The following MACROD2 variants were observed in gnomAD, a reference collection of about 807,000 sequenced individuals.
MACROD2 encodes the protein ADP-ribose glycohydrolase MACROD2.
Under a neutral mutation model 70.4 loss-of-function variants are expected in MACROD2, and 36 were observed. The ratio of observed to expected loss-of-function variants is 0.51; its 90% CI spans 0.39 to 0.68. MACROD2 has a LOEUF of 0.68. MACROD2 is among the 30% of genes least tolerant of loss of function. MACROD2 has a pLI of 0.00. For synonymous variants in MACROD2, 172 were observed against 178.8 expected (o/e 0.96, Z 0.30); for missense variants, 496 against 538.4 (o/e 0.92, Z 0.78).
intron 5 of MACROD2, among the ~76,000 whole-genome samples, chr20:15,175,005 T>C (rs2076449368): frequency 6.6e-6 from 1 of 152,186 alleles, no homozygotes; most frequent in South Asian, 2.1e-4. Flanking sequence ...AGCTCTTTAG[T>C]TTAATTAGAT....
intron 2 of MACROD2, among the ~76,000 whole-genome samples, chr20:14,013,000 T>A (rs1333231813): frequency 1.3e-5 from 2 of 152,204 alleles, no homozygotes; most frequent in Non-Finnish European, 2.9e-5. Flanking sequence ...AGTGTGTGCA[T>A]AAGTTTTGAT....
chr20:14,215,864 G>T lies in MACROD2; in HGVS notation c.271+130136G>T, dbSNP rs1393080223. Among the ~76,000 whole-genome samples the T allele has an allele frequency of 2.6e-5, 4 of 151,818 alleles. No individual in the cohort carries two copies. In the East Asian group the frequency reaches 5.8e-4, roughly 22 times the overall value. ...AGCCCACTTTTTGATGGGATTGTTT[G>T]TTTTTTTCTTACTGATTTGAGTTCA... is the stretch of plus-strand genomic sequence containing the variant. On this transcript the variant is annotated intron_variant, in intron 3 of 17. Coordinates refer to ENST00000684519, the MANE Select transcript of MACROD2 (RefSeq NM_001351661.2).
intron 5 of MACROD2, among the ~76,000 whole-genome samples, chr20:15,178,114 A>G (rs1186780217): frequency 6.6e-6 from 1 of 152,186 alleles, no homozygotes; most frequent in Non-Finnish European, 1.5e-5. Flanking sequence ...ATGAGAGTGA[A>G]TGTACTGCCT....
At chr20:14,029,599 T>TA (rs533710292) in intron 2 of MACROD2, among the ~76,000 whole-genome samples, 367 of 152,272 alleles carry the variant, frequency 2.4e-3, no homozygotes, top group African/African-American at 8.5e-3. Flanking sequence ...AGAAAAAATT[T>TA]AAAAAATTTT....
chr20:16,044,521 G>A, intron 16 of MACROD2, 50 bp from the exon 17 acceptor site: 1 of 1,496,608 alleles, frequency 6.7e-7, no homozygotes, highest in Non-Finnish European at 9.2e-7. Context: ...ATGTGTCTCA[G>A]AGATTTAGGT....
intron 6 of MACROD2, among the ~76,000 whole-genome samples, chr20:15,376,693 G>A (rs2045567146): frequency 6.6e-6 from 1 of 152,076 alleles, no homozygotes; most frequent in African/African-American, 2.4e-5. Context: ...AAATGTTAAT[G>A]CTGGATAAGA....
At chr20:14,889,484 C>T (rs2073724327) in intron 5 of MACROD2, among the ~76,000 whole-genome samples, 3 of 151,800 alleles carry the variant, frequency 2.0e-5, no homozygotes, top group Non-Finnish European at 4.4e-5. Flanking sequence ...ATAGAGGGGT[C>T]AGGAAAGCCC....
At chr20:15,133,905 C>CTTTTTT (rs11467185) in intron 5 of MACROD2, among the ~76,000 whole-genome samples, 1 of 111,298 alleles carries the variant, frequency 9.0e-6, no homozygotes, top group Non-Finnish European at 1.8e-5. Flanking sequence ...TTTAAATAAT[C>CTTTTTT]TTTTTTTTTT....
Position 15,234,003 on chromosome 20 carries a change from A to ATG in MACROD2, c.540+3943_540+3944insGT, listed in dbSNP as rs1236481277. Among the ~76,000 whole-genome samples the ATG allele has an allele frequency of 1.1e-4, 6 of 56,998 alleles. No homozygotes were observed. The Admixed American group carries it at 1.4e-3, about 13-fold the overall frequency. 37.4% of individuals were successfully genotyped at this position (56,998 alleles called of 152,430 possible). ...TTTATTTATATATATATATATATAT[A>ATG]TATATATTCTTTTTTTTTTTTTTTT... On this transcript the variant is annotated intron_variant, in intron 6 of 17. Coordinates refer to ENST00000684519, the MANE Select transcript of MACROD2 (RefSeq NM_001351661.2).
chr20:14,926,546 C>CA (rs59492795), intron 5 of MACROD2, among the ~76,000 whole-genome samples: 9,767 of 137,328 alleles, frequency 0.071, 768 homozygotes, highest in African/African-American at 0.2. Context: ...AAGACTCCGT[C>CA]AAAAAAAAAA....
intron 6 of MACROD2, among the ~76,000 whole-genome samples, chr20:15,358,811 C>CTT (rs11471817): frequency 0.18 from 26,622 of 146,914 alleles, 2,741 homozygotes; most frequent in East Asian, 0.47. Context: ...GCTCTTGTTC[C>CTT]TTTTTTTTTT....
At chr20:15,398,901 C>G (rs1007392142) in intron 6 of MACROD2, among the ~76,000 whole-genome samples, 2 of 152,138 alleles carry the variant, frequency 1.3e-5, no homozygotes, top group Admixed American at 1.3e-4. Context: ...ACTGAAGCCT[C>G]AAATTCCTGG....
At chr20:14,116,031 T>C (rs1301087285) in intron 3 of MACROD2, among the ~76,000 whole-genome samples, 4 of 152,178 alleles carry the variant, frequency 2.6e-5, no homozygotes, top group African/African-American at 9.7e-5. Flanking sequence ...AGAATTGATG[T>C]AATTTGAGTA....
At chr20:14,855,262 G>A (rs2073241835) in intron 5 of MACROD2, among the ~76,000 whole-genome samples, 1 of 152,054 alleles carries the variant, frequency 6.6e-6, no homozygotes, top group African/African-American at 2.4e-5. Flanking sequence ...TTCTGGTGCA[G>A]GGACTAATCT....
chr20:14,232,023 T>C (rs1407137946), intron 3 of MACROD2, among the ~76,000 whole-genome samples: 1 of 152,332 alleles, frequency 6.6e-6, no homozygotes, highest in East Asian at 1.9e-4. Context: ...TTGAGTTCAT[T>C]GTAGATTCTG....
intron 8 of MACROD2, among the ~76,000 whole-genome samples, chr20:15,624,593 A>G (rs1047899447): frequency 6.6e-6 from 1 of 151,932 alleles, no homozygotes; most frequent in Non-Finnish European, 1.5e-5. Flanking sequence ...GACTGTTTTT[A>G]TAAGTAAAGT....
chr20:14,356,586 C>T (rs2083175088), intron 3 of MACROD2, among the ~76,000 whole-genome samples: 1 of 149,726 alleles, frequency 6.7e-6, no homozygotes, highest in Admixed American at 6.7e-5. Context: ...CTCACTGCAA[C>T]CTCCGCCTCC....
At chr20:14,031,911 A>G (rs1231379289) in intron 2 of MACROD2, among the ~76,000 whole-genome samples, 2 of 152,146 alleles carry the variant, frequency 1.3e-5, no homozygotes, top group Non-Finnish European at 2.9e-5. Context: ...ACTATGAAGT[A>G]AATAATAATA....
chr20:14,317,701 A>G (rs1293636613), intron 3 of MACROD2, among the ~76,000 whole-genome samples: 2 of 151,720 alleles, frequency 1.3e-5, no homozygotes, highest in African/African-American at 2.4e-5. Context: ...TGTACACCCA[A>G]CTCCAGCCAC....
Sources: gnomAD v4.1 joint callset for allele counts (sites outside exome capture counted in the v4.1 genomes callset) on GRCh38, gnomAD v4.1.1 for gene constraint, MANE v1.5 for transcripts, NCBI Gene and HGNC (gene_info 2026-07-23, HGNC 2026-07-21) for gene names.